Variants in ADAT2 observed in about 807,000 individuals in gnomAD.
ADAT2 encodes the protein adenosine deaminase tRNA specific 2, also known as tRNA-specific adenosine-34 deaminase catalytic subunit ADAT2.
In ADAT2, 26 loss-of-function variants were observed where a neutral mutation model predicts 25.9. That is an observed-to-expected ratio of 1.00 (90% confidence interval 0.74 to 1.39). ADAT2 has a LOEUF of 1.39. Ranked by LOEUF, ADAT2 falls within the 40% of genes most tolerant of loss-of-function variation. The pLI, the probability that ADAT2 is intolerant of heterozygous loss-of-function variation, is 0.00. For synonymous variants in ADAT2, 76 were observed against 86.8 expected (o/e 0.88, Z 0.69); for missense variants, 220 against 244.8 (o/e 0.90, Z 0.68).
chr6:143,439,060 T>G (rs1779379485), intron 1 of ADAT2, among the ~76,000 whole-genome samples: 1 of 152,158 alleles, frequency 6.6e-6, no homozygotes, highest in African/African-American at 2.4e-5. Flanking sequence ...AAATAACACT[T>G]ATAGATCCTT....
In ADAT2 at chr6:143,442,665, T is replaced by C. The variant is rs1407969141; in HGVS notation, c.97-3971A>G. 1.3e-5 allele frequency among the ~76,000 whole-genome samples: 2 copies of C among 152,184 alleles called. No homozygotes were observed. The highest frequency in any genetic ancestry group is 2.9e-5 in the Non-Finnish European group (2 of 68,034). On this transcript the variant is annotated intron_variant, in intron 1 of 5. Transcript: ENST00000237283. The surrounding 1 kb of genome is among the most constrained non-coding windows in gnomAD (Gnocchi z 4.6). The stretch of plus-strand genomic sequence containing the variant: ...AGTATATTATTATTGTAATTTCTTG[T>C]GAACTTATAATTATTTCAAAATGAA...
chr6:143,426,449 T>C lies in ADAT2; in HGVS notation c.*2014A>G, dbSNP rs1489060162. 1 of 152,160 alleles carries C rather than the reference T, an allele frequency of 6.6e-6. No individual in the cohort carries two copies. The highest frequency in any genetic ancestry group is 1.5e-5 in the Non-Finnish European group (1 of 68,028). 9.4% of individuals were successfully genotyped at this position (152,160 alleles called of 1,614,324 possible). A position where few individuals can be genotyped will look rare whatever the true frequency, so the allele number is the denominator to read the frequency against. On this transcript the variant is annotated 3_prime_UTR_variant, in exon 6 of 6. Coordinates refer to ENST00000237283, the MANE Select transcript of ADAT2 (RefSeq NM_182503.3). This position sits in a 1 kb window ranked among gnomAD's most constrained non-coding sequence, Gnocchi z 4.1. ...GGAACTGTGCCCCAGTCCAAACATT[T>C]AGGACAGATTTTCGATAGGTTAATT...
In ADAT2 at chr6:143,427,622, G is replaced by T. The variant is rs1768135246; in HGVS notation, c.*841C>A. On this transcript the variant is annotated 3_prime_UTR_variant, in exon 6 of 6. Transcript: ENST00000237283. ...TCAGTCAGCATTCTCACCACCAAATGGCACCTATCCCCTTTACCCTGTGTT... is the reference window on the plus strand; with the variant it reads ...TCAGTCAGCATTCTCACCACCAAATTGCACCTATCCCCTTTACCCTGTGTT... 6.6e-6 allele frequency: 1 copy of T among 152,126 alleles called. No homozygotes were observed. 9.4% of individuals were successfully genotyped at this position (152,126 alleles called of 1,614,324 possible).
In ADAT2 at chr6:143,432,752, T is replaced by C. The variant is rs1779154793; in HGVS notation, c.353-141A>G. On this transcript the variant is annotated intron_variant, in intron 3 of 5. Transcript: ENST00000237283. This position sits in a 1 kb window ranked among gnomAD's most constrained non-coding sequence, Gnocchi z 4.4. ...CCAGTGAAGCTTAGGATTCGTCTTATAAACCATACAATCCAGCTACACAGA... is the reference window on the plus strand; with the variant it reads ...CCAGTGAAGCTTAGGATTCGTCTTACAAACCATACAATCCAGCTACACAGA... 1.3e-6 allele frequency: 1 copy of C among 757,338 alleles called. No individual in the cohort carries two copies. The highest frequency in any genetic ancestry group is 2.2e-6 in the Non-Finnish European group (1 of 451,198). The allele number at this position is 757,338 out of a possible 1,614,324, so 46.9% of individuals were successfully genotyped here.
chr6:143,422,883 T>C lies in ADAT2; in HGVS notation c.*5580A>G, dbSNP rs1403501164. ...TTCTAAACCCAAATAAAATGATACATTATCTTTTCTCCTTGCCACTCTCTT... is the reference window on the plus strand; with the variant it reads ...TTCTAAACCCAAATAAAATGATACACTATCTTTTCTCCTTGCCACTCTCTT... On this transcript the variant is annotated 3_prime_UTR_variant, in exon 6 of 6. Coordinates refer to ENST00000237283, the MANE Select transcript of ADAT2 (RefSeq NM_182503.3). This position sits in a 1 kb window ranked among gnomAD's most constrained non-coding sequence, Gnocchi z 4.3. 1 of 152,248 alleles carries C rather than the reference T, an allele frequency of 6.6e-6. No homozygotes were observed. The highest frequency in any genetic ancestry group is 2.4e-5 in the African/African-American group (1 of 41,466). 9.4% of individuals were successfully genotyped at this position (152,248 alleles called of 1,614,324 possible). A position where few individuals can be genotyped will look rare whatever the true frequency, so the allele number is the denominator to read the frequency against.
rs1778976107 is a variant in ADAT2 at position 143,427,583 on chromosome 6, G to A, written c.*880C>T. 6.6e-6 allele frequency: 1 copy of A among 152,106 alleles called. No individual in the cohort carries two copies. Among genetic ancestry groups the A allele is most frequent in the African/African-American group, 2.4e-5 (1 of 41,424 alleles). The allele number at this position is 152,106 out of a possible 1,614,324, so 9.4% of individuals were successfully genotyped here. ...ATAACCATTTGTTTCAGATTAAATT[G>A]ATCATTCTATTTTTCAGTCAGCATT... On this transcript the variant is annotated 3_prime_UTR_variant, in exon 6 of 6. Transcript: ENST00000237283.
chr6:143,438,810 T>G, intron 1 of ADAT2, 116 bp from the exon 2 acceptor site: 2 of 804,758 alleles, frequency 2.5e-6, no homozygotes, highest in Non-Finnish European at 4.1e-6. Context: ...AACAAAGAAG[T>G]GCAGCCTTCC....
intron 1 of ADAT2, among the ~76,000 whole-genome samples, chr6:143,447,771 G>A (rs931368429): frequency 6.6e-6 from 1 of 152,036 alleles, no homozygotes; most frequent in Non-Finnish European, 1.5e-5. Flanking sequence ...TAATAAAAGG[G>A]TGTTCTACGC....
intron 1 of ADAT2, chr6:143,441,454 CAAG>C (rs1342244734): frequency 6.6e-6 from 1 of 152,256 alleles, no homozygotes; most frequent in African/African-American, 2.4e-5. Flanking sequence ...CCAGACTGTA[CAAG>C]AAGTATGGTA....
Position 143,442,252 on chromosome 6 carries a change from T to C in ADAT2, c.97-3558A>G, listed in dbSNP as rs1779479787. 6.6e-6 allele frequency among the ~76,000 whole-genome samples: 1 copy of C among 152,134 alleles called. No individual in the cohort carries two copies. Among genetic ancestry groups the C allele is most frequent in the Non-Finnish European group, 1.5e-5 (1 of 68,026 alleles). Reference sequence around the variant, plus strand: ...AACAAGGAATGAACTATCGATAATCTCAACAACTTGGATGGATCTCATGGG... The same window carrying C: ...AACAAGGAATGAACTATCGATAATCCCAACAACTTGGATGGATCTCATGGG... On this transcript the variant is annotated intron_variant, in intron 1 of 5. Transcript: ENST00000237283. This position sits in a 1 kb window ranked among gnomAD's most constrained non-coding sequence, Gnocchi z 4.6.
At position 143,444,252 on chromosome 6, in the gene ADAT2, G is replaced by T. The variant is rs187278992; in HGVS notation, c.97-5558C>A. On this transcript the variant is annotated intron_variant, in intron 1 of 5. Transcript: ENST00000237283. This position sits in a 1 kb window ranked among gnomAD's most constrained non-coding sequence, Gnocchi z 4.3. ...AAACAGAGAGCAAATATGAGCGATC[G>T]GAATATTTTAAAAGGACAAATAACG... Among the ~76,000 whole-genome samples the T allele has an allele frequency of 6.6e-6, 1 of 152,044 alleles. No homozygotes were observed. Among genetic ancestry groups the T allele is most frequent in the African/African-American group, 2.4e-5 (1 of 41,368 alleles).
At chr6:143,435,266 C>T (rs1450098934) in intron 2 of ADAT2, among the ~76,000 whole-genome samples, 1 of 150,990 alleles carries the variant, frequency 6.6e-6, no homozygotes. Context: ...AATTGCTGAA[C>T]TCAATCATCT....
chr6:143,449,169 T>G (rs1779681787), intron 1 of ADAT2, among the ~76,000 whole-genome samples: 1 of 152,164 alleles, frequency 6.6e-6, no homozygotes, highest in Non-Finnish European at 1.5e-5. Flanking sequence ...TTCCTCAGCC[T>G]CCTGAGTAGT....
chr6:143,440,234 A>G lies in ADAT2; in HGVS notation c.97-1540T>C, dbSNP rs150766536. On this transcript the variant is annotated intron_variant, in intron 1 of 5. Transcript: ENST00000237283. This position sits in a 1 kb window ranked among gnomAD's most constrained non-coding sequence, Gnocchi z 4.5. ...AGAGACTTTGGAAGACTTGATTCTC[A>G]CTTAAGTGCAGGTACTTACACACAT... Among the ~76,000 whole-genome samples, 33 of 152,296 alleles carry G rather than the reference A, an allele frequency of 2.2e-4. No homozygotes were observed. Among genetic ancestry groups the G allele is most frequent in the African/African-American group, 6.5e-4 (27 of 41,558 alleles).
intron 3 of ADAT2, 120 bp downstream of exon 3, chr6:143,433,711 T>A: frequency 1.8e-6 from 2 of 1,089,078 alleles, no homozygotes; most frequent in Non-Finnish European, 2.5e-6. Flanking sequence ...AGACACACTA[T>A]ATTTTACAAG....
rs1415113505 is a variant in ADAT2, at chr6:143,423,834, C to T, written c.*4629G>A. The T allele has an allele frequency of 6.6e-6, 1 of 152,194 alleles. No individual in the cohort carries two copies. Among genetic ancestry groups the T allele is most frequent in the Non-Finnish European group, 1.5e-5 (1 of 68,038 alleles). 9.4% of individuals were successfully genotyped at this position (152,194 alleles called of 1,614,324 possible). A position where few individuals can be genotyped will look rare whatever the true frequency, so the allele number is the denominator to read the frequency against. ...TTGGGGATGTGGGATTCTCTCTAAA[C>T]TAGCTTAGCAGGATTCTTGCTAAAG... On this transcript the variant is annotated 3_prime_UTR_variant, in exon 6 of 6. Coordinates refer to ENST00000237283, the MANE Select transcript of ADAT2 (RefSeq NM_182503.3).
Position 143,434,045 on chromosome 6 carries a change from T to C in ADAT2, c.202-64A>G. On this transcript the variant is annotated intron_variant, in intron 2 of 5. Transcript: ENST00000237283. This position sits in a 1 kb window ranked among gnomAD's most constrained non-coding sequence, Gnocchi z 4.5. ...TCATGTGACTACTATTTTACAAATA[T>C]ACAAAAACTAAGTACAAAATATGCG... 4 of 1,584,204 alleles carry C rather than the reference T, an allele frequency of 2.5e-6. No individual in the cohort carries two copies. Among genetic ancestry groups the C allele is most frequent in the African/African-American group, 1.4e-5 (1 of 73,952 alleles).
At chr6:143,435,364 G>A (rs1023612481) in intron 2 of ADAT2, among the ~76,000 whole-genome samples, 1 of 149,966 alleles carries the variant, frequency 6.7e-6, no homozygotes, top group Admixed American at 6.6e-5. Context: ...AGGTGGTGGT[G>A]GCGACTGGGT....
Position 143,423,932 on chromosome 6 carries a change from C to T in ADAT2, c.*4531G>A, listed in dbSNP as rs1261441418. Reference sequence around the variant, plus strand: ...GTTAAAAAGAGGACTTAGGGCCTGACTGAAGTTTGGTCAAGGAGAGAGCCT... The same window carrying T: ...GTTAAAAAGAGGACTTAGGGCCTGATTGAAGTTTGGTCAAGGAGAGAGCCT... On this transcript the variant is annotated 3_prime_UTR_variant, in exon 6 of 6. Transcript: ENST00000237283. 6.6e-6 allele frequency: 1 copy of T among 152,208 alleles called. No homozygotes were observed. Among genetic ancestry groups the T allele is most frequent in the Non-Finnish European group, 1.5e-5 (1 of 68,052 alleles). The allele number at this position is 152,208 out of a possible 1,614,324, so 9.4% of individuals were successfully genotyped here. A position where few individuals can be genotyped will look rare whatever the true frequency, so the allele number is the denominator to read the frequency against.
Sources: gnomAD v4.1 joint callset for allele counts (sites outside exome capture counted in the v4.1 genomes callset) on GRCh38, gnomAD v4.1.1 for gene constraint, Gnocchi (gnomAD v3.1) non-coding constraint, MANE v1.5 for transcripts, NCBI Gene and HGNC (gene_info 2026-07-23, HGNC 2026-07-21) for gene names.